PRKG1: variants seen among roughly 807,000 people sequenced by gnomAD.
The protein encoded by PRKG1 is protein kinase cGMP-dependent 1.
In PRKG1, 35 loss-of-function variants were observed where a neutral mutation model predicts 88.1. The observed-to-expected ratio is 0.40, with a 90% CI of 0.30 to 0.53. The LOEUF (loss-of-function observed/expected upper bound fraction) is 0.53. Ranked by LOEUF, PRKG1 falls within the 20% of genes least tolerant of loss-of-function variation. The pLI is 0.59. For missense variants in PRKG1, 540 were observed against 839.8 expected (o/e 0.64, Z 4.41); for synonymous variants, 303 against 292.5 (o/e 1.04, Z -0.37).
At chr10:51,433,633 C>T (rs995702930) in intron 2 of PRKG1, among the ~76,000 whole-genome samples, 1 of 133,916 alleles carries the variant, frequency 7.5e-6, no homozygotes, top group Non-Finnish European at 1.7e-5. Context: ...CAATAGGGGC[C>T]TTTTAGTGAT....
At chr10:51,485,869 A>G (rs1041811215) in intron 3 of PRKG1, among the ~76,000 whole-genome samples, 1 of 152,134 alleles carries the variant, frequency 6.6e-6, no homozygotes, top group Non-Finnish European at 1.5e-5. Context: ...AACGGTGTCA[A>G]CTTATGTTGT....
At chr10:51,770,392 T>C (rs1215839645) in intron 3 of PRKG1, among the ~76,000 whole-genome samples, 1 of 152,190 alleles carries the variant, frequency 6.6e-6, no homozygotes, top group Admixed American at 6.5e-5. Flanking sequence ...AGCAGTATGG[T>C]ATTTAAAGTT....
At chr10:51,682,313 A>G (rs1170566924) in intron 3 of PRKG1, among the ~76,000 whole-genome samples, 1 of 152,142 alleles carries the variant, frequency 6.6e-6, no homozygotes, top group Non-Finnish European at 1.5e-5. Flanking sequence ...AAAAAGTGGC[A>G]TTTTTCTTCC....
chr10:51,225,362 G>T (rs1250215580), intron 2 of PRKG1, among the ~76,000 whole-genome samples: 1 of 152,078 alleles, frequency 6.6e-6, no homozygotes, highest in Non-Finnish European at 1.5e-5. Flanking sequence ...CCCCTTAAGG[G>T]TTAGGATTCC....
chr10:51,697,564 CA>C, intron 3 of PRKG1: 1 of 881,902 alleles, frequency 1.1e-6, no homozygotes, highest in Non-Finnish European at 1.7e-6. Flanking sequence ...AGAAAAAGAA[CA>C]AAAAATAAGA....
rs541150590 is a variant in PRKG1, at chr10:52,288,841, C to T, written c.1825C>T (p.Leu609=). 2.5e-6 allele frequency: 4 copies of T among 1,601,208 alleles called. No individual in the cohort carries two copies. The South Asian group carries it at 4.5e-5, about 18-fold the overall frequency. Reference sequence around the variant, plus strand: ...AAATGCTGCTAATTTAATTAAAAAACTATGCAGGTAAGTATTTCAACCACA... The same window carrying T: ...AAATGCTGCTAATTTAATTAAAAAATTATGCAGGTAAGTATTTCAACCACA... ...AKNAANLIKK[L]CRDNPSERLG... Residue 609 remains leucine (L), a synonymous_variant, in exon 15 of 18, where the codon CTA becomes TTA. Coordinates refer to ENST00000373980, the MANE Select transcript of PRKG1 (RefSeq NM_006258.4).
chr10:51,632,780 C>G (rs968099525), intron 3 of PRKG1, among the ~76,000 whole-genome samples: 2 of 152,158 alleles, frequency 1.3e-5, no homozygotes, highest in Non-Finnish European at 2.9e-5. Context: ...TGTGGTAAAA[C>G]TGCACTTACT....
At chr10:51,734,888 A>G (rs1014994726) in intron 3 of PRKG1, among the ~76,000 whole-genome samples, 7 of 152,220 alleles carry the variant, frequency 4.6e-5, no homozygotes, top group Admixed American at 2.6e-4. Flanking sequence ...ATATAGGCTC[A>G]TTTAAAAGAA....
chr10:51,609,226 A>C (rs904027893), intron 3 of PRKG1, among the ~76,000 whole-genome samples: 1 of 152,082 alleles, frequency 6.6e-6, no homozygotes, highest in African/African-American at 2.4e-5. Context: ...ACAGTGTTTA[A>C]AAAATCTACT....
At chr10:51,066,433 G>A (rs766068249) in intron 1 of PRKG1, among the ~76,000 whole-genome samples, 10 of 152,136 alleles carry the variant, frequency 6.6e-5, no homozygotes, top group African/African-American at 2.4e-5. Context: ...GGAGATGTGA[G>A]TAGTTGACAG....
intron 5 of PRKG1, among the ~76,000 whole-genome samples, chr10:51,942,749 G>T (rs1842938186): frequency 6.6e-6 from 1 of 151,336 alleles, no homozygotes; most frequent in Non-Finnish European, 1.5e-5. Flanking sequence ...GTTTGTCAAA[G>T]ATCAGATAGT....
chr10:51,322,606 C>G (rs913665878), intron 2 of PRKG1, among the ~76,000 whole-genome samples: 1 of 152,122 alleles, frequency 6.6e-6, no homozygotes, highest in Non-Finnish European at 1.5e-5. Flanking sequence ...TTTTCTGAGG[C>G]CTATGTGCCA....
intron 3 of PRKG1, among the ~76,000 whole-genome samples, chr10:51,517,242 G>T (rs1342385195): frequency 6.6e-6 from 1 of 152,174 alleles, no homozygotes; most frequent in Non-Finnish European, 1.5e-5. Flanking sequence ...AATGTGGTAG[G>T]ACAAATGGGT....
intron 5 of PRKG1, among the ~76,000 whole-genome samples, chr10:51,979,670 A>T (rs1589479491): frequency 1.0e-5 from 1 of 98,028 alleles, no homozygotes; most frequent in African/African-American, 4.0e-5. Context: ...TCAATTTTGG[A>T]GTTCATTATT....
chr10:51,375,204 G>A (rs1383557462), intron 2 of PRKG1, among the ~76,000 whole-genome samples: 1 of 152,126 alleles, frequency 6.6e-6, no homozygotes, highest in Non-Finnish European at 1.5e-5. Flanking sequence ...CTGTAAGTTA[G>A]AAAGATTATT....
intron 1 of PRKG1, among the ~76,000 whole-genome samples, chr10:51,093,963 G>C (rs1217244577): frequency 4.6e-5 from 7 of 151,402 alleles, no homozygotes; most frequent in Non-Finnish European, 1.0e-4. Flanking sequence ...ATATTTATTT[G>C]TTTCCTTGTG....
At chr10:51,879,539 C>T (rs944846672) in intron 4 of PRKG1, among the ~76,000 whole-genome samples, 1 of 152,218 alleles carries the variant, frequency 6.6e-6, no homozygotes, top group Non-Finnish European at 1.5e-5. Context: ...GAGTCACTTT[C>T]TCTGAGGTTT....
intron 3 of PRKG1, among the ~76,000 whole-genome samples, chr10:51,510,766 C>CG (rs1841372017): frequency 7.2e-6 from 1 of 138,132 alleles, no homozygotes; most frequent in African/African-American, 2.7e-5. Context: ...TTTTTTGAGA[C>CG]AGAGTCTTGC....
intron 2 of PRKG1, among the ~76,000 whole-genome samples, chr10:51,164,203 C>T (rs568329530): frequency 1.1e-4 from 17 of 152,284 alleles, no homozygotes; most frequent in South Asian, 2.1e-4. Flanking sequence ...GACAGAACTT[C>T]CAGAGGAACG....
Sources: allele counts gnomAD v4.1 joint callset (sites outside exome capture counted in the v4.1 genomes callset), GRCh38; gene constraint gnomAD v4.1.1; transcripts MANE v1.5; gene names NCBI Gene and HGNC (gene_info 2026-07-23, HGNC 2026-07-21).